CROT: variants seen among roughly 807,000 people sequenced by gnomAD.
CROT encodes the protein peroxisomal carnitine O-octanoyltransferase.
CROT carries 84 observed loss-of-function variants against 89.2 expected under a neutral mutation model. That is an observed-to-expected ratio of 0.94 (90% confidence interval 0.79 to 1.13). The LOEUF is 1.13. Among genes scored for constraint, CROT ranks in the 50% most tolerant of loss-of-function variants. The pLI is 0.00. For synonymous variants in CROT, 212 were observed against 239.5 expected (o/e 0.89, Z 1.06); for missense variants, 711 against 727.8 (o/e 0.98, Z 0.27).
rs1805997604 is a variant in CROT, at chr7:87,354,544, T to A, written c.116-4662T>A. 8.6e-6 allele frequency: 3 copies of A among 348,786 alleles called. 1 individual carries two copies. Among genetic ancestry groups the A allele is most frequent in the South Asian group, 7.8e-5 (3 of 38,624 alleles). 21.6% of individuals were successfully genotyped at this position (348,786 alleles called of 1,614,324 possible). A position where few individuals can be genotyped will look rare whatever the true frequency, so the allele number is the denominator to read the frequency against. On this transcript the variant is annotated intron_variant, in intron 3 of 17. Transcript: ENST00000331536. ...GTACAGAATCAAGTTATACTAGAGG[T>A]AAACATTGCTTTTCTAGACCTTCAA...
intron 2 of CROT, among the ~76,000 whole-genome samples, chr7:87,348,481 G>T (rs1308774882): frequency 6.6e-6 from 1 of 152,052 alleles, no homozygotes; most frequent in Non-Finnish European, 1.5e-5. Flanking sequence ...TTTGTACTTT[G>T]TGCTCCAAAG....
chr7:87,395,571 C>G (rs1247903558), intron 17 of CROT, among the ~76,000 whole-genome samples: 1 of 152,206 alleles, frequency 6.6e-6, no homozygotes, highest in Non-Finnish European at 1.5e-5. Context: ...GTCTGTAAAG[C>G]TGTTAACTTT....
rs1010471865 is a variant in CROT, at chr7:87,382,099, C to T, written c.1088C>T (p.Pro363Leu). 2 of 1,612,922 alleles carry T rather than the reference C, an allele frequency of 1.2e-6. No homozygotes were observed. Among genetic ancestry groups the T allele is most frequent in the African/African-American group, 2.7e-5 (2 of 74,846 alleles). The change falls in exon 12 of 18, where the codon CCA becomes CTA. Residue 363 changes from proline (P) to leucine (L), a missense_variant. Transcript: ENST00000331536. ...GGTTCAGAGAAGGTACGAGATATAC[C>T]ACTTCCAGAAGAGCTCATTTTCATT... ...WKGSEKVRDI[P>L]LPEELIFIVD...
At chr7:87,398,280 C>G (rs899184148) in intron 17 of CROT, 3 of 645,902 alleles carry the variant, frequency 4.6e-6, no homozygotes, top group Non-Finnish European at 8.6e-6. Context: ...TCAGAGCACT[C>G]TAGGGCTCTA....
chr7:87,356,165 G>A (rs371366363), intron 3 of CROT, among the ~76,000 whole-genome samples: 1 of 152,034 alleles, frequency 6.6e-6, no homozygotes, highest in African/African-American at 2.4e-5. Flanking sequence ...ATCTTTTGTA[G>A]AGATGGGGTT....
rs759136795 is a variant in CROT at position 87,377,348 on chromosome 7, G to A, written c.877-1G>A. 1 of 1,578,442 alleles carries A rather than the reference G, an allele frequency of 6.3e-7. No individual in the cohort carries two copies. The highest frequency in any genetic ancestry group is 8.6e-7 in the Non-Finnish European group (1 of 1,156,178). ...ATTTGGAAAAATTAAATTTATTTTA[G>A]ATTATTGCAGCCATCCTTATTGGAG... On this transcript the variant is annotated splice_acceptor_variant, in intron 9 of 17. Coordinates refer to ENST00000331536, the MANE Select transcript of CROT (RefSeq NM_021151.4). LOFTEE classifies it high-confidence loss of function.
chr7:87,355,931 GAACT>G, intron 3 of CROT, among the ~76,000 whole-genome samples: 1 of 152,262 alleles, frequency 6.6e-6, no homozygotes, highest in South Asian at 2.1e-4. Context: ...AAGAAACCTA[GAACT>G]ATTTGTCAGA....
In CROT at chr7:87,399,215, C is replaced by T. The variant is rs757406684; in HGVS notation, c.*571C>T. 6.5e-6 allele frequency: 1 copy of T among 153,258 alleles called. No homozygotes were observed. Among genetic ancestry groups the T allele is most frequent in the Non-Finnish European group, 1.5e-5 (1 of 68,928 alleles). The allele number at this position is 153,258 out of a possible 1,614,324, so 9.5% of individuals were successfully genotyped here. A position where few individuals can be genotyped will look rare whatever the true frequency, so the allele number is the denominator to read the frequency against. ...TTGGGCTGGGTGCAGTGGCTCATGC[C>T]TATAATCTTAGCACTTTGGGAGGCC... On this transcript the variant is annotated 3_prime_UTR_variant, in exon 18 of 18. Coordinates refer to ENST00000331536, the MANE Select transcript of CROT (RefSeq NM_021151.4).
chr7:87,394,979 C>A (rs1161467863), intron 17 of CROT, among the ~76,000 whole-genome samples: 3 of 149,950 alleles, frequency 2.0e-5, no homozygotes, highest in Middle Eastern at 3.2e-3. Flanking sequence ...ACAAATGTGC[C>A]CTATTCTGAA....
At chr7:87,376,520 A>G (rs975199818) in intron 9 of CROT, among the ~76,000 whole-genome samples, 14 of 152,118 alleles carry the variant, frequency 9.2e-5, no homozygotes, top group Non-Finnish European at 1.3e-4. Flanking sequence ...TAGTAATTGT[A>G]TTAGAAATCT....
intron 13 of CROT, among the ~76,000 whole-genome samples, chr7:87,383,940 T>A (rs1807110326): frequency 6.6e-6 from 1 of 152,134 alleles, no homozygotes; most frequent in Non-Finnish European, 1.5e-5. Context: ...TACCTAGCAG[T>A]GGGATCATCA....
At chr7:87,369,343 T>A in intron 6 of CROT, 33 bp from the exon 7 acceptor site, 1 of 1,468,264 alleles carries the variant, frequency 6.8e-7, no homozygotes, top group Non-Finnish European at 9.4e-7. Flanking sequence ...TAACCTTAGA[T>A]TTGAGTCTTG....
Position 87,381,903 on chromosome 7 carries a change from A to G in CROT, c.979-7A>G. The G allele has an allele frequency of 1.3e-6, 2 of 1,590,622 alleles. No individual in the cohort carries two copies. Among genetic ancestry groups the G allele is most frequent in the Non-Finnish European group, 1.7e-6 (2 of 1,168,836 alleles). On this transcript the variant is annotated splice_region_variant and splice_polypyrimidine_tract_variant and intron_variant, in intron 10 of 17. Coordinates refer to ENST00000331536, the MANE Select transcript of CROT (RefSeq NM_021151.4). ...GTATTCAGAAATCTTGTGTGTTCTC[A>G]TTTTAGCATGCTCCTTTTGATGCAA...
chr7:87,366,242 AT>A (rs148048661), intron 6 of CROT, among the ~76,000 whole-genome samples: 22 of 150,164 alleles, frequency 1.5e-4, no homozygotes, highest in East Asian at 5.9e-4. Context: ...GCAAGGGGGA[AT>A]TTTTTTTTTC....
At chr7:87,359,624 T>C (rs1806210606) in intron 4 of CROT, 4 of 1,118,328 alleles carry the variant, frequency 3.6e-6, no homozygotes, top group Middle Eastern at 3.9e-4. Context: ...AGGTAATCTG[T>C]AGACCATGCT....
Position 87,376,049 on chromosome 7 carries a change from A to C in CROT, c.876+96A>C, listed in dbSNP as rs1050494909. On this transcript the variant is annotated intron_variant, in intron 9 of 17. Coordinates refer to ENST00000331536, the MANE Select transcript of CROT (RefSeq NM_021151.4). The stretch of plus-strand genomic sequence containing the variant: ...AAGTTTTTTTTCTTTTTCTACCTTT[A>C]GGCTCTTGAAACTTTTTCTTAGTTA... 2.6e-5 allele frequency: 32 copies of C among 1,217,704 alleles called. No homozygotes were observed. The African/African-American group carries it at 4.1e-4, about 16-fold the overall frequency. The allele number at this position is 1,217,704 out of a possible 1,614,324, so 75.4% of individuals were successfully genotyped here. A position where few individuals can be genotyped will look rare whatever the true frequency, so the allele number is the denominator to read the frequency against.
chr7:87,368,002 G>T (rs1218114356), intron 6 of CROT, among the ~76,000 whole-genome samples: 4 of 152,098 alleles, frequency 2.6e-5, no homozygotes, highest in Admixed American at 6.6e-5. Context: ...CCATCCATTG[G>T]TTTCCTTCCC....
chr7:87,389,153 G>C (rs1453017542), intron 13 of CROT, among the ~76,000 whole-genome samples: 2 of 152,196 alleles, frequency 1.3e-5, no homozygotes, highest in African/African-American at 4.8e-5. Context: ...GGAGAAATAG[G>C]AATGCTTTTA....
chr7:87,361,314 G>C, intron 4 of CROT, 76 bp from the exon 5 acceptor site: 1 of 1,356,218 alleles, frequency 7.4e-7, no homozygotes, highest in African/African-American at 1.5e-5. Context: ...AATATAGCTT[G>C]CTTTTTAAAA....
Sources: gnomAD v4.1 joint callset for allele counts (sites outside exome capture counted in the v4.1 genomes callset) on GRCh38, gnomAD v4.1.1 for gene constraint, MANE v1.5 for transcripts, NCBI Gene and HGNC (gene_info 2026-07-23, HGNC 2026-07-21) for gene names.